PRKCQ: variants seen among roughly 807,000 people sequenced by gnomAD.
PRKCQ encodes protein kinase C theta, also known as protein kinase C theta type.
PRKCQ carries 41 observed loss-of-function variants against 91.2 expected under a neutral mutation model. The ratio of observed to expected loss-of-function variants is 0.45; its 90% CI spans 0.35 to 0.58. The LOEUF (loss-of-function observed/expected upper bound fraction) is 0.58. Ranked by LOEUF, PRKCQ falls within the 20% of genes least tolerant of loss-of-function variation. PRKCQ has a pLI of 0.00. For missense variants in PRKCQ, 673 were observed against 896.5 expected, an observed-to-expected ratio of 0.75 and a Z score of 3.18; for synonymous variants, 307 against 316.9, an observed-to-expected ratio of 0.97 and a Z score of 0.33.
chr10:6,413,169 G>A, the PRKCQ span, among the ~76,000 whole-genome samples: 2 of 152,136 alleles, frequency 1.3e-5, no homozygotes, highest in South Asian at 4.2e-4. Flanking sequence ...AGCCAGGATG[G>A]TTTTGATCTC....
At chr10:6,539,748 C>T (rs1450017129) in intron 1 of PRKCQ, among the ~76,000 whole-genome samples, 4 of 152,082 alleles carry the variant, frequency 2.6e-5, no homozygotes, top group Admixed American at 2.6e-4. Context: ...GGTTAGGGAC[C>T]GCTGCTTTAG....
intron 1 of PRKCQ, among the ~76,000 whole-genome samples, chr10:6,525,736 T>G (rs1274434099): frequency 6.6e-6 from 1 of 152,236 alleles, no homozygotes; most frequent in African/African-American, 2.4e-5. Context: ...CTCCTTGATC[T>G]CCACACAGAG....
At chr10:6,450,239 A>T (rs1300437956) in intron 15 of PRKCQ, among the ~76,000 whole-genome samples, 1 of 150,046 alleles carries the variant, frequency 6.7e-6, no homozygotes, top group Non-Finnish European at 1.5e-5. Context: ...ATGGAGGAAG[A>T]TCTACCAAGC....
At chr10:6,420,134 G>A in the PRKCQ span, among the ~76,000 whole-genome samples, 1 of 152,086 alleles carries the variant, frequency 6.6e-6, no homozygotes, top group Non-Finnish European at 1.5e-5. Context: ...GATTATAGGT[G>A]CGCACTACCA....
chr10:6,400,631 GA>G, the PRKCQ span, among the ~76,000 whole-genome samples: 57,029 of 136,100 alleles, frequency 0.42, 12,752 homozygotes, highest in East Asian at 0.78. Context: ...CTTCCTTTCA[GA>G]AAAAAAAAAA....
At chr10:6,572,067 G>A (rs1421634818) in intron 1 of PRKCQ, among the ~76,000 whole-genome samples, 1 of 152,138 alleles carries the variant, frequency 6.6e-6, no homozygotes, top group African/African-American at 2.4e-5. Flanking sequence ...AACATATGGG[G>A]CTTTCTGAAT....
chr10:6,404,255 G>GGA, the PRKCQ span, among the ~76,000 whole-genome samples: 180 of 34,336 alleles, frequency 5.2e-3, 6 homozygotes, highest in African/African-American at 5.3e-3. Context: ...GAAGGGGGGG[G>GGA]GAGAGAGAGA....
intron 16 of PRKCQ, among the ~76,000 whole-genome samples, chr10:6,436,994 G>T (rs982702224): frequency 5.8e-4 from 89 of 152,292 alleles, no homozygotes; most frequent in African/African-American, 1.9e-3. Flanking sequence ...GCCATGAGGG[G>T]TGTTGGGGGA....
intron 1 of PRKCQ, among the ~76,000 whole-genome samples, chr10:6,517,650 G>A (rs967829495): frequency 8.7e-6 from 1 of 114,538 alleles, no homozygotes; most frequent in African/African-American, 3.4e-5. Flanking sequence ...TAGGGATACT[G>A]CATCAGACTG....
In PRKCQ at chr10:6,447,595, G is replaced by T. The variant is rs572467873; in HGVS notation, c.1648-5514C>A. Among the ~76,000 whole-genome samples, 3 of 152,278 alleles carry T rather than the reference G, an allele frequency of 2.0e-5. No homozygotes were observed. In the East Asian group the frequency reaches 5.8e-4, roughly 29 times the overall value. On this transcript the variant is annotated intron_variant, in intron 15 of 17. Coordinates refer to ENST00000263125, the MANE Select transcript of PRKCQ (RefSeq NM_006257.5). Reference sequence around the variant, plus strand: ...GTGCAGCCTAGTGAGACGATCCCCAGTTGAGGGAGCACAGGTGTGTTTTTC... The same window carrying T: ...GTGCAGCCTAGTGAGACGATCCCCATTTGAGGGAGCACAGGTGTGTTTTTC...
the PRKCQ span, among the ~76,000 whole-genome samples, chr10:6,403,509 G>A: frequency 6.6e-6 from 1 of 152,216 alleles, no homozygotes; most frequent in Non-Finnish European, 1.5e-5. Context: ...GTGAGTTCCC[G>A]GCTCACTCTC....
At chr10:6,542,223 G>A (rs760842904) in intron 1 of PRKCQ, among the ~76,000 whole-genome samples, 4 of 152,234 alleles carry the variant, frequency 2.6e-5, no homozygotes, top group Non-Finnish European at 5.9e-5. Flanking sequence ...AGGGCCTAGA[G>A]ATTACTCTCT....
Position 6,456,716 on chromosome 10 carries a change from C to T in PRKCQ, c.1605G>A (p.Lys535=), listed in dbSNP as rs781073464. The change falls in exon 15 of 18, where the codon AAG becomes AAA. Residue 535 remains lysine (K), a synonymous_variant. Transcript: ENST00000263125. ...MCKENMLGDA[K]TNTFCGTPDY... is the part of the protein sequence containing the mutation. ...CAGGTGTCCCACAGAAGGTATTCGT[C>T]TTGGCATCTCCTAACATGTTCTCCT... 3 of 1,614,176 alleles carry T rather than the reference C, an allele frequency of 1.9e-6. No homozygotes were observed. Among genetic ancestry groups the T allele is most frequent in the East Asian group, 4.5e-5 (2 of 44,886 alleles).
In PRKCQ at chr10:6,437,147, C is replaced by T. The variant is rs1798365091; in HGVS notation, c.1836+4746G>A. Among the ~76,000 whole-genome samples, 3 of 152,296 alleles carry T rather than the reference C, an allele frequency of 2.0e-5. No homozygotes were observed. The South Asian group carries it at 6.2e-4, about 32-fold the overall frequency. ...GTGGGTTTTGCTGGCCCAGGCTTTG[C>T]AGTGCAGCCTCATGCTTTGGACTGA... On this transcript the variant is annotated intron_variant, in intron 16 of 17. Transcript: ENST00000263125.
At position 6,429,509 on chromosome 10, in the gene PRKCQ, A is replaced by G. The variant is rs775860860; in HGVS notation, c.1966-1147T>C. Among the ~76,000 whole-genome samples, 6 of 152,178 alleles carry G rather than the reference A, an allele frequency of 3.9e-5. No individual in the cohort carries two copies. In the South Asian group the frequency reaches 6.2e-4, roughly 16 times the overall value. ...CTGCTTCTTCTGGCCATTCGCTATC[A>G]TGACTAATAGCCTGTGCGTTCTCTG... On this transcript the variant is annotated intron_variant, in intron 17 of 17. Transcript: ENST00000263125.
At chr10:6,531,050 G>GC (rs1839373231) in intron 1 of PRKCQ, among the ~76,000 whole-genome samples, 1 of 23,860 alleles carries the variant, frequency 4.2e-5, no homozygotes. Flanking sequence ...GCAGGGTGGA[G>GC]CCCACATGTT....
intron 1 of PRKCQ, among the ~76,000 whole-genome samples, chr10:6,552,511 G>T (rs1032439183): frequency 4.0e-5 from 6 of 151,138 alleles, no homozygotes; most frequent in African/African-American, 1.5e-4. Context: ...TGTTGCCCAG[G>T]CTGGAGTGCA....
chr10:6,431,531 C>T (rs752614991), intron 16 of PRKCQ, among the ~76,000 whole-genome samples: 29 of 152,306 alleles, frequency 1.9e-4, no homozygotes, highest in African/African-American at 4.1e-4. Context: ...GGCATACACA[C>T]GCATACACAC....
downstream of PRKCQ, among the ~76,000 whole-genome samples, chr10:6,422,703 C>T (rs1477792268): frequency 1.3e-5 from 2 of 152,292 alleles, no homozygotes; most frequent in Non-Finnish European, 2.9e-5. Context: ...CTCCTTCTGC[C>T]ACCTGGGAGT....
Sources: allele counts gnomAD v4.1 joint callset (sites outside exome capture counted in the v4.1 genomes callset), GRCh38; gene constraint gnomAD v4.1.1; transcripts MANE v1.5; gene names NCBI Gene and HGNC (gene_info 2026-07-23, HGNC 2026-07-21).